The following EPAS1 variants were observed in gnomAD, a reference collection of about 807,000 sequenced individuals.
EPAS1 encodes the protein endothelial PAS domain protein 1.
Under a neutral mutation model 87.9 loss-of-function variants are expected in EPAS1, and 23 were observed. The ratio of observed to expected loss-of-function variants is 0.26; its 90% CI spans 0.19 to 0.37. EPAS1 has a LOEUF of 0.37. Among genes scored for constraint, EPAS1 ranks in the 10% least tolerant of loss-of-function variants. EPAS1 has a pLI of 1.00. For synonymous variants in EPAS1, 508 were observed against 444.3 expected, an observed-to-expected ratio of 1.14 and a Z score of -1.80; for missense variants, 1,138 against 1,120.7, an observed-to-expected ratio of 1.02 and a Z score of -0.22.
chr2:46,311,689 C>T (rs1683214365), intron 1 of EPAS1, among the ~76,000 whole-genome samples: 1 of 152,158 alleles, frequency 6.6e-6, no homozygotes, highest in South Asian at 2.1e-4. Flanking sequence ...TTTTCTCTTC[C>T]TTTTTAAAGT....
chr2:46,307,061 A>T (rs1683118567), intron 1 of EPAS1, among the ~76,000 whole-genome samples: 1 of 152,236 alleles, frequency 6.6e-6, no homozygotes, highest in African/African-American at 2.4e-5. Flanking sequence ...GTATTTAGTT[A>T]AAAAAGCACT....
intron 1 of EPAS1, among the ~76,000 whole-genome samples, chr2:46,303,154 G>T (rs554191706): frequency 3.9e-5 from 6 of 152,308 alleles, no homozygotes; most frequent in Middle Eastern, 3.4e-3. Context: ...TGAAGCAAAA[G>T]ATAAGCTCTG....
intron 1 of EPAS1, among the ~76,000 whole-genome samples, chr2:46,313,554 C>T (rs1428756055): frequency 2.0e-5 from 3 of 152,056 alleles, no homozygotes; most frequent in African/African-American, 4.8e-5. Flanking sequence ...CAGGTTCAAG[C>T]GATTCTCCCA....
chr2:46,356,127 T>TTGGGGGGG, intron 2 of EPAS1, 24 bp from the exon 3 acceptor site: 5 of 1,395,462 alleles, frequency 3.6e-6, no homozygotes, highest in Non-Finnish European at 3.9e-6. Flanking sequence ...TCATGCAAGC[T>TTGGGGGGG]GTCCCACCCC....
chr2:46,347,319 G>A lies in EPAS1; in HGVS notation c.217+256G>A. On this transcript the variant is annotated intron_variant, in intron 2 of 15. Coordinates refer to ENST00000263734, the MANE Select transcript of EPAS1 (RefSeq NM_001430.5). The surrounding 1 kb of genome is among the most constrained non-coding windows in gnomAD (Gnocchi z 4.2). Reference sequence around the variant, plus strand: ...AGAACATGGGCACCCAGAGGCTGTGGAGAACACGGGCTGGGAGAACCAAGG... The same window carrying A: ...AGAACATGGGCACCCAGAGGCTGTGAAGAACACGGGCTGGGAGAACCAAGG... The A allele has an allele frequency of 1.8e-6, 1 of 560,744 alleles. No individual in the cohort carries two copies. Among genetic ancestry groups the A allele is most frequent in the South Asian group, 2.0e-5 (1 of 49,898 alleles). The allele number at this position is 560,744 out of a possible 1,614,324, so 34.7% of individuals were successfully genotyped here.
In EPAS1 at chr2:46,347,492, C is replaced by T. The variant is rs376394411; in HGVS notation, c.217+429C>T. ...AAGGTGTGCCCGGATGATCTTTTCCCTCTGAGAAGCCAGTTAGGCCAAGTA... is the reference window on the plus strand; with the variant it reads ...AAGGTGTGCCCGGATGATCTTTTCCTTCTGAGAAGCCAGTTAGGCCAAGTA... On this transcript the variant is annotated intron_variant, in intron 2 of 15. Transcript: ENST00000263734. This position sits in a 1 kb window ranked among gnomAD's most constrained non-coding sequence, Gnocchi z 4.2. 16 of 260,798 alleles carry T rather than the reference C, an allele frequency of 6.1e-5. No homozygotes were observed. In the East Asian group the frequency reaches 1.4e-3, roughly 23 times the overall value. 16.2% of individuals were successfully genotyped at this position (260,798 alleles called of 1,614,324 possible).
rs556426993 is a variant in EPAS1 at position 46,360,953 on chromosome 2, C to T, written c.642C>T (p.Tyr214=). Residue 214 remains tyrosine, a synonymous_variant, in exon 6 of 16, where the codon TAC becomes TAT. Coordinates refer to ENST00000263734, the MANE Select transcript of EPAS1 (RefSeq NM_001430.5). This position sits in a 1 kb window ranked among gnomAD's most constrained non-coding sequence, Gnocchi z 4.5. ...NCPPHNSLCG[Y]KEPLLSCLII... ...CTCCTCACAATAGTCTGTGTGGCTA[C>T]AAGGAGCCCCTGCTGTCCTGCCTCA... is the stretch of plus-strand genomic sequence containing the variant. 180 of 1,614,204 alleles carry T rather than the reference C, an allele frequency of 1.1e-4. 2 individuals carry two copies. The South Asian group carries it at 1.9e-3, about 17-fold the overall frequency.
chr2:46,380,807 C>T lies in EPAS1; in HGVS notation c.2045+90C>T, dbSNP rs1262623756. 1.9e-6 allele frequency: 3 copies of T among 1,591,802 alleles called. 1 individual carries two copies. The South Asian group carries it at 3.3e-5, about 18-fold the overall frequency. On this transcript the variant is annotated intron_variant, in intron 12 of 15. Coordinates refer to ENST00000263734, the MANE Select transcript of EPAS1 (RefSeq NM_001430.5). The surrounding 1 kb of genome is among the most constrained non-coding windows in gnomAD (Gnocchi z 4.4). ...CTGGACCCCCAGGGAGGCCCCTGCC[C>T]CTCTCCCCAGCCATCTGATACCCCA...
In EPAS1 at chr2:46,360,835, C is replaced by G. The variant is rs568299439; in HGVS notation, c.574-50C>G. 331 of 1,612,542 alleles carry G rather than the reference C, an allele frequency of 2.1e-4. 3 individuals carry two copies. The South Asian group carries it at 3.5e-3, about 17-fold the overall frequency. ...CAGGGGATGCCTAAGGCCCTACCCC[C>G]ACCCCCAGCACTCTCGGCTCCATGT... On this transcript the variant is annotated intron_variant, in intron 5 of 15. Coordinates refer to ENST00000263734, the MANE Select transcript of EPAS1 (RefSeq NM_001430.5). The surrounding 1 kb of genome is among the most constrained non-coding windows in gnomAD (Gnocchi z 4.5).
chr2:46,361,097 G>A lies in EPAS1; in HGVS notation c.779+7G>A, dbSNP rs1558602263. Reference sequence around the variant, plus strand: ...TCACCTACTGTGATGACAGGTAGGGGGCCATGGGTGTGTATGCTGTGGGCA... The same window carrying A: ...TCACCTACTGTGATGACAGGTAGGGAGCCATGGGTGTGTATGCTGTGGGCA... On this transcript the variant is annotated splice_region_variant and intron_variant, in intron 6 of 15. Coordinates refer to ENST00000263734, the MANE Select transcript of EPAS1 (RefSeq NM_001430.5). 4 of 1,613,982 alleles carry A rather than the reference G, an allele frequency of 2.5e-6. No homozygotes were observed. Among genetic ancestry groups the A allele is most frequent in the African/African-American group, 1.3e-5 (1 of 75,038 alleles).
At chr2:46,313,733 G>A (rs924023130) in intron 1 of EPAS1, among the ~76,000 whole-genome samples, 4 of 152,168 alleles carry the variant, frequency 2.6e-5, no homozygotes, top group Admixed American at 1.3e-4. Context: ...TTACAGGCAT[G>A]AGCCACGGTG....
Position 46,363,017 on chromosome 2 carries a change from G to GTGGTGGTGATGA in EPAS1, c.779+1929_779+1930insGTGGTGATGATG, listed in dbSNP as rs1410002978. Among the ~76,000 whole-genome samples the GTGGTGGTGATGA allele has an allele frequency of 5.3e-4, 77 of 144,354 alleles. 1 individual carries two copies. The highest frequency in any genetic ancestry group is 1.7e-3 in the Admixed American group (25 of 14,388). 94.7% of individuals were successfully genotyped at this position (144,354 alleles called of 152,430 possible). ...GGTGGTGGTGGTGGTGGTGGTGGTGGTGATAATGATGGTGGTTCAAGAAGA... is the reference window on the plus strand; with the variant it reads ...GGTGGTGGTGGTGGTGGTGGTGGTGGTGGTGGTGATGATGATAATGATGGTGGTTCAAGAAGA... On this transcript the variant is annotated intron_variant, in intron 6 of 15. Coordinates refer to ENST00000263734, the MANE Select transcript of EPAS1 (RefSeq NM_001430.5).
chr2:46,327,421 C>A (rs886573715), intron 1 of EPAS1, among the ~76,000 whole-genome samples: 42 of 151,886 alleles, frequency 2.8e-4, no homozygotes, highest in African/African-American at 1.0e-3. Flanking sequence ...TAGAATGGAC[C>A]AGAGTAGTCA....
At chr2:46,364,657 ATGTCGG>A (rs1331757506) in intron 6 of EPAS1, among the ~76,000 whole-genome samples, 2 of 152,250 alleles carry the variant, frequency 1.3e-5, no homozygotes, top group Non-Finnish European at 2.9e-5. Context: ...ATAACAATTC[ATGTCGG>A]TCACATTTAT....
At chr2:46,362,615 T>C (rs919268485) in intron 6 of EPAS1, among the ~76,000 whole-genome samples, 16 of 152,230 alleles carry the variant, frequency 1.1e-4, no homozygotes, top group African/African-American at 3.9e-4. Flanking sequence ...TCTTATCAGC[T>C]GGACATCCCA....
intron 1 of EPAS1, among the ~76,000 whole-genome samples, chr2:46,342,275 T>G (rs1683929100): frequency 6.6e-6 from 1 of 152,168 alleles, no homozygotes; most frequent in South Asian, 2.1e-4. Flanking sequence ...CTGGGTGTGT[T>G]TCTCCTATCA....
chr2:46,368,806 A>AT (rs1195937835), intron 6 of EPAS1, among the ~76,000 whole-genome samples: 1 of 152,222 alleles, frequency 6.6e-6, no homozygotes, highest in African/African-American at 2.4e-5. Flanking sequence ...TGAAGCCATT[A>AT]TTTAAAGTCT....
chr2:46,339,236 A>G (rs1009327313), intron 1 of EPAS1, among the ~76,000 whole-genome samples: 2 of 152,254 alleles, frequency 1.3e-5, no homozygotes, highest in African/African-American at 4.8e-5. Context: ...CGTTTTCTTC[A>G]TACCTTTTTG....
chr2:46,342,393 C>G (rs993016266), intron 1 of EPAS1, among the ~76,000 whole-genome samples: 2 of 152,182 alleles, frequency 1.3e-5, no homozygotes, highest in African/African-American at 4.8e-5. Flanking sequence ...AAATTGGCTC[C>G]AGCTTGGAAT....
Sources: gnomAD v4.1 joint callset for allele counts (sites outside exome capture counted in the v4.1 genomes callset) on GRCh38, gnomAD v4.1.1 for gene constraint, Gnocchi (gnomAD v3.1) non-coding constraint, MANE v1.5 for transcripts, NCBI Gene and HGNC (gene_info 2026-07-23, HGNC 2026-07-21) for gene names.